Variants in PCDH15 observed in about 807,000 individuals in gnomAD.
PCDH15 encodes protocadherin related 15.
In PCDH15, 129 loss-of-function variants were observed where a neutral mutation model predicts 178.5. That is an observed-to-expected ratio of 0.72 (90% CI 0.63 to 0.84). The LOEUF (loss-of-function observed/expected upper bound fraction) is 0.84, where lower values mean the gene tolerates loss of function less well. Ranked by LOEUF, PCDH15 falls within the 40% of genes least tolerant of loss-of-function variation. The pLI, the probability that PCDH15 is intolerant of heterozygous loss-of-function variation, is 0.00. For missense variants in PCDH15, 2,230 were observed against 2,099.9 expected (o/e 1.06, Z -1.21); for synonymous variants, 800 against 732.0 (o/e 1.09, Z -1.50).
intron 1 of PCDH15, among the ~76,000 whole-genome samples, chr10:55,272,247 GA>G (rs1842464148): frequency 1.3e-5 from 2 of 151,580 alleles, no homozygotes; most frequent in African/African-American, 4.9e-5. Flanking sequence ...AAACAACTAA[GA>G]TTTTTTTTTA....
At chr10:54,146,952 A>ATATATATATAGTGTATATATATAGTG (rs1564530643) in intron 14 of PCDH15, among the ~76,000 whole-genome samples, 6 of 98,996 alleles carry the variant, frequency 6.1e-5, no homozygotes, top group South Asian at 6.3e-4. Flanking sequence ...TATATAGTGT[A>ATATATATATAGTGTATATATATAGTG]TATATATATA....
At chr10:55,240,890 T>C (rs1298132449) in intron 1 of PCDH15, among the ~76,000 whole-genome samples, 3 of 152,192 alleles carry the variant, frequency 2.0e-5, no homozygotes, top group Non-Finnish European at 4.4e-5. Context: ...ATTGTTATAA[T>C]GCACATCTAG....
chr10:54,486,885 T>C (rs949918562), intron 3 of PCDH15, among the ~76,000 whole-genome samples: 7 of 152,114 alleles, frequency 4.6e-5, no homozygotes, highest in African/African-American at 1.7e-4. Flanking sequence ...AAGCAGCCAT[T>C]ATAGACCATG....
chr10:55,278,581 A>G (rs1273884185), intron 1 of PCDH15, among the ~76,000 whole-genome samples: 1 of 152,210 alleles, frequency 6.6e-6, no homozygotes, highest in Admixed American at 6.5e-5. Context: ...GACAATGATC[A>G]GTTTTATCCA....
chr10:54,490,857 G>A (rs2137118286), intron 3 of PCDH15, among the ~76,000 whole-genome samples: 1 of 152,278 alleles, frequency 6.6e-6, no homozygotes, highest in Non-Finnish European at 1.5e-5. Context: ...TTACATAGGT[G>A]TATTCCAAAA....
At chr10:54,718,818 T>C (rs988172473) in intron 1 of PCDH15, among the ~76,000 whole-genome samples, 6 of 149,456 alleles carry the variant, frequency 4.0e-5, no homozygotes, top group Admixed American at 3.4e-4. Flanking sequence ...TGCCTCAGCC[T>C]CCCAAGTAGC....
chr10:55,537,706 T>C (rs1841612381), intron 2 of PCDH15, among the ~76,000 whole-genome samples: 1 of 152,112 alleles, frequency 6.6e-6, no homozygotes, highest in African/African-American at 2.4e-5. Context: ...AGTGCTGGGA[T>C]ACAGGCATGA....
At chr10:54,830,234 G>A (rs1168706211) in intron 3 of PCDH15, among the ~76,000 whole-genome samples, 1 of 152,096 alleles carries the variant, frequency 6.6e-6, no homozygotes, top group African/African-American at 2.4e-5. Context: ...CCATTACTGG[G>A]TATATACCTA....
intron 18 of PCDH15, among the ~76,000 whole-genome samples, chr10:54,033,182 C>T (rs910575837): frequency 6.6e-6 from 1 of 151,730 alleles, no homozygotes; most frequent in Non-Finnish European, 1.5e-5. Flanking sequence ...ATATATATAC[C>T]TATTTTTGTA....
intron 3 of PCDH15, among the ~76,000 whole-genome samples, chr10:54,484,285 C>CT (rs552453883): frequency 6.0e-4 from 91 of 151,900 alleles, no homozygotes; most frequent in African/African-American, 2.1e-3. Context: ...TCTGAATATC[C>CT]TTTTTTTGAG....
At chr10:55,511,556 C>T (rs1840886453) in intron 2 of PCDH15, among the ~76,000 whole-genome samples, 1 of 152,020 alleles carries the variant, frequency 6.6e-6, no homozygotes, top group Non-Finnish European at 1.5e-5. Context: ...TGGGATTTAG[C>T]TACATGTTTC....
intron 8 of PCDH15, among the ~76,000 whole-genome samples, chr10:54,281,380 T>A (rs2058697095): frequency 6.6e-6 from 1 of 151,936 alleles, no homozygotes; most frequent in African/African-American, 2.4e-5. Context: ...ATAGAAAAGA[T>A]TTGTGGATAT....
chr10:55,065,003 T>C (rs1841527736), intron 2 of PCDH15, among the ~76,000 whole-genome samples: 2 of 152,004 alleles, frequency 1.3e-5, no homozygotes, highest in Non-Finnish European at 2.9e-5. Flanking sequence ...TGCAGTTTAA[T>C]AGCAAAATAT....
At chr10:53,889,104 A>G (rs2081379561) in intron 26 of PCDH15, among the ~76,000 whole-genome samples, 1 of 151,978 alleles carries the variant, frequency 6.6e-6, no homozygotes, top group Admixed American at 6.6e-5. Context: ...ATCTAAACAT[A>G]AAATATGAAA....
chr10:55,151,830 T>G (rs898665758), intron 2 of PCDH15, among the ~76,000 whole-genome samples: 1 of 152,062 alleles, frequency 6.6e-6, no homozygotes, highest in Non-Finnish European at 1.5e-5. Context: ...TCTCAAAGAT[T>G]TTAGGATTTA....
At chr10:54,563,604 A>G (rs941996768) in intron 2 of PCDH15, among the ~76,000 whole-genome samples, 1 of 152,188 alleles carries the variant, frequency 6.6e-6, no homozygotes, top group Non-Finnish European at 1.5e-5. Context: ...TTCTCTATAA[A>G]TAATTGTGTC....
intron 2 of PCDH15, among the ~76,000 whole-genome samples, chr10:54,648,813 A>T (rs1193886178): frequency 3.9e-5 from 6 of 152,102 alleles, no homozygotes; most frequent in Non-Finnish European, 7.4e-5. Flanking sequence ...AATGATATAT[A>T]TTTTTTTCCT....
At chr10:54,901,372 C>A (rs1367546542) in intron 2 of PCDH15, among the ~76,000 whole-genome samples, 1 of 152,166 alleles carries the variant, frequency 6.6e-6, no homozygotes, top group African/African-American at 2.4e-5. Context: ...AATTTTATTG[C>A]AGAACCTCAT....
chr10:54,125,590 G>A (rs2041923370), intron 15 of PCDH15, among the ~76,000 whole-genome samples: 1 of 152,156 alleles, frequency 6.6e-6, no homozygotes, highest in African/African-American at 2.4e-5. Context: ...TCATTCCTTA[G>A]AGAAGACAGC....
Sources: gnomAD v4.1 joint callset for allele counts (sites outside exome capture counted in the v4.1 genomes callset) on GRCh38, gnomAD v4.1.1 for gene constraint, MANE v1.5 for transcripts, NCBI Gene and HGNC (gene_info 2026-07-23, HGNC 2026-07-21) for gene names.